Variants in RUVBL1 observed in about 807,000 individuals in gnomAD.
The protein encoded by RUVBL1 is ruvB-like 1.
RUVBL1 carries 4 observed loss-of-function variants against 52.4 expected under a neutral mutation model. The observed-to-expected ratio is 0.08, with a 90% CI of 0.04 to 0.17. RUVBL1 has a LOEUF of 0.17. Among genes scored for constraint, RUVBL1 ranks in the 10% least tolerant of loss-of-function variants. The pLI, the probability that RUVBL1 is intolerant of heterozygous loss-of-function variation, is 1.00. For synonymous variants in RUVBL1, 217 were observed against 214.4 expected (o/e 1.01, Z -0.10); for missense variants, 298 against 572.8 (o/e 0.52, Z 4.90).
At chr3:128,125,488 C>T (rs1344341487), upstream of RUVBL1, among the ~76,000 whole-genome samples, 2 of 152,140 alleles carry the variant, frequency 1.3e-5, no homozygotes, top group Non-Finnish European at 2.9e-5. Context: ...TGATTGTTTA[C>T]CATTTTAACC....
intron 5 of RUVBL1, among the ~76,000 whole-genome samples, chr3:128,101,154 T>C (rs1343233794): frequency 2.6e-5 from 4 of 152,158 alleles, no homozygotes; most frequent in Non-Finnish European, 4.4e-5. Flanking sequence ...GAAAATCAGA[T>C]AGAAAAGAAT....
Position 128,082,623 on chromosome 3 carries a change from C to A in RUVBL1, c.1120-49G>T, listed in dbSNP as rs1942513911. On this transcript the variant is annotated intron_variant, in intron 9 of 10. Transcript: ENST00000322623. This position sits in a 1 kb window ranked among gnomAD's most constrained non-coding sequence, Gnocchi z 4.7. ...TCAACGGTGACTGACCTCAAGTGCC[C>A]CATTTCTAAAGTGCTTTAAAGACAA... 12 of 1,425,526 alleles carry A rather than the reference C, an allele frequency of 8.4e-6. No individual in the cohort carries two copies. The East Asian group carries it at 2.5e-4, about 30-fold the overall frequency. The allele number at this position is 1,425,526 out of a possible 1,614,324, so 88.3% of individuals were successfully genotyped here. A position where few individuals can be genotyped will look rare whatever the true frequency, so the allele number is the denominator to read the frequency against.
Position 128,097,154 on chromosome 3 carries a change from C to G in RUVBL1, c.1016+146G>C, listed in dbSNP as rs115039960. On this transcript the variant is annotated intron_variant, in intron 8 of 10. Coordinates refer to ENST00000322623, the MANE Select transcript of RUVBL1 (RefSeq NM_003707.3). Reference sequence around the variant, plus strand: ...GTGACTAGGGAAATGAGGCCAGAGGCAAGCCACTTGGCACATTTTCCCTCA... The same window carrying G: ...GTGACTAGGGAAATGAGGCCAGAGGGAAGCCACTTGGCACATTTTCCCTCA... 3.9e-6 allele frequency: 3 copies of G among 766,082 alleles called. No individual in the cohort carries two copies. In the African/African-American group the frequency reaches 5.2e-5, roughly 13 times the overall value. The allele number at this position is 766,082 out of a possible 1,614,324, so 47.5% of individuals were successfully genotyped here. A position where few individuals can be genotyped will look rare whatever the true frequency, so the allele number is the denominator to read the frequency against.
chr3:128,075,329 AC>A (rs1224024868), intron 9 of RUVBL1: 2 of 152,124 alleles, frequency 1.3e-5, no homozygotes, highest in Admixed American at 6.5e-5. Context: ...GTGCTGCCTC[AC>A]CCAGGTCCTG....
At chr3:128,127,430 C>T (rs62271718), upstream of RUVBL1, among the ~76,000 whole-genome samples, 979 of 152,306 alleles carry the variant, frequency 6.4e-3, 7 homozygotes, top group Admixed American at 0.01. Context: ...ACGACCTTTG[C>T]TCTTTCACCT....
At chr3:128,131,534 A>AAC (rs58174910) in intron 1 of RUVBL1, among the ~76,000 whole-genome samples, 2 of 107,912 alleles carry the variant, frequency 1.9e-5, no homozygotes, top group African/African-American at 4.4e-5. Context: ...CAACAACAAC[A>AAC]AAAAAAAACA....
intron 1 of RUVBL1, among the ~76,000 whole-genome samples, chr3:128,145,544 G>A (rs1422090715): frequency 6.6e-6 from 1 of 152,198 alleles, no homozygotes; most frequent in Non-Finnish European, 1.5e-5. Context: ...AGTAGCCCGC[G>A]GGCGAGTGTT....
At chr3:128,095,396 G>T (rs1235511339) in intron 8 of RUVBL1, among the ~76,000 whole-genome samples, 2 of 152,268 alleles carry the variant, frequency 1.3e-5, no homozygotes, top group Non-Finnish European at 2.9e-5. Flanking sequence ...CCAAGGCTAA[G>T]CAAGTCCAGA....
At chr3:128,147,998 C>T (rs548155959) in intron 1 of RUVBL1, among the ~76,000 whole-genome samples, 10 of 152,306 alleles carry the variant, frequency 6.6e-5, no homozygotes, top group African/African-American at 1.9e-4. Flanking sequence ...TGGACCCCAA[C>T]GGTTACCTAC....
At chr3:128,078,676 G>C (rs1942394798), downstream of RUVBL1, 1 of 152,164 alleles carries the variant, frequency 6.6e-6, no homozygotes, top group East Asian at 1.9e-4. Context: ...TGAGGCTGCT[G>C]TAATTGTTGT....
chr3:128,150,832 ATATATTCTATATATATTC>A (rs1944182562), intron 1 of RUVBL1, among the ~76,000 whole-genome samples: 1 of 85,816 alleles, frequency 1.2e-5, no homozygotes, highest in African/African-American at 4.7e-5. Context: ...TCTATATATT[ATATATTCTATATATATTC>A]TATATATTAT....
upstream of RUVBL1, chr3:128,123,971 G>A: frequency 3.3e-6 from 4 of 1,197,340 alleles, 1 homozygote; most frequent in Middle Eastern, 3.3e-4. Flanking sequence ...CCCCGTAGCC[G>A]GCGCTTCCTG....
upstream of RUVBL1, among the ~76,000 whole-genome samples, chr3:128,127,789 G>T (rs1036459248): frequency 2.6e-5 from 4 of 152,158 alleles, no homozygotes; most frequent in Admixed American, 2.6e-4. Context: ...TTGAGGTCAG[G>T]AGTTCGAGAC....
At chr3:128,065,220 C>A in exon 10 of RUVBL1, 1 of 725,084 alleles carries the variant, frequency 1.4e-6, no homozygotes, top group Non-Finnish European at 2.4e-6. Flanking sequence ...AGTCATGGGA[C>A]CTGCCATTAA....
chr3:128,153,818 T>C, exon 1 of RUVBL1: 8 of 1,505,622 alleles, frequency 5.3e-6, no homozygotes, highest in Non-Finnish European at 7.1e-6. Context: ...CGGACCATCA[T>C]CGGCGGTGAG....
Position 128,122,761 on chromosome 3 carries a change from G to T in RUVBL1, c.141+823C>A, listed in dbSNP as rs72970106. Among the ~76,000 whole-genome samples, 423 of 152,316 alleles carry T rather than the reference G, an allele frequency of 2.8e-3. 2 individuals carry two copies. The highest frequency in any genetic ancestry group is 9.6e-3 in the African/African-American group (399 of 41,562). ...TAGAGAACAGCAGGCAGAGAGGGTGGCTGTATCATCATAGAGCACTGATTT... is the reference window on the plus strand; with the variant it reads ...TAGAGAACAGCAGGCAGAGAGGGTGTCTGTATCATCATAGAGCACTGATTT... On this transcript the variant is annotated intron_variant, in intron 1 of 10. Transcript: ENST00000322623.
At chr3:128,106,151 A>G (rs1943230473) in intron 3 of RUVBL1, among the ~76,000 whole-genome samples, 1 of 152,074 alleles carries the variant, frequency 6.6e-6, no homozygotes. Flanking sequence ...AAGTGCTGGG[A>G]TTACAGGTGT....
At chr3:128,136,442 A>G (rs972785345) in intron 1 of RUVBL1, among the ~76,000 whole-genome samples, 4 of 152,082 alleles carry the variant, frequency 2.6e-5, no homozygotes, top group African/African-American at 9.7e-5. Flanking sequence ...CCTGCGCAAC[A>G]TGGTGAAACC....
rs940269774 is a variant in RUVBL1 at position 128,153,305 on chromosome 3, G to A, written c.-142C>T. ...CACGTGAGAGAGAAACCCTGCCTAC[G>A]GTGACCTCCAGTTCCTAGACCACCC... On this transcript the variant is annotated 5_prime_UTR_variant, in exon 1 of 10. Transcript: ENST00000464873. The A allele has an allele frequency of 1.5e-5, 21 of 1,361,794 alleles. No homozygotes were observed. In the South Asian group the frequency reaches 1.9e-4, roughly 13 times the overall value. The allele number at this position is 1,361,794 out of a possible 1,614,324, so 84.4% of individuals were successfully genotyped here.
Sources: gnomAD v4.1 joint callset for allele counts (sites outside exome capture counted in the v4.1 genomes callset) on GRCh38, gnomAD v4.1.1 for gene constraint, Gnocchi (gnomAD v3.1) non-coding constraint, MANE v1.5 for transcripts, NCBI Gene and HGNC (gene_info 2026-07-23, HGNC 2026-07-21) for gene names.